NR6A1: variants seen among roughly 807,000 people sequenced by gnomAD.
The protein encoded by NR6A1 is nuclear receptor subfamily 6 group A member 1.
A neutral mutation model predicts 59.1 loss-of-function variants in NR6A1; 7 were observed. The observed-to-expected ratio is 0.12, with a 90% confidence interval of 0.07 to 0.22. NR6A1 has a LOEUF of 0.22. Ranked by LOEUF, NR6A1 falls within the 10% of genes least tolerant of loss-of-function variation. The pLI is 1.00. For synonymous variants in NR6A1, 243 were observed against 236.1 expected (o/e 1.03, Z -0.27); for missense variants, 468 against 611.6 (o/e 0.77, Z 2.48).
At chr9:124,660,648 CAAAAAAAA>C (rs753242760) in intron 2 of NR6A1, among the ~76,000 whole-genome samples, 3 of 92,816 alleles carry the variant, frequency 3.2e-5, no homozygotes, top group African/African-American at 7.9e-5. Context: ...TCTGAGAATA[CAAAAAAAA>C]AAAAAAAAAA....
intron 2 of NR6A1, among the ~76,000 whole-genome samples, chr9:124,720,522 G>C (rs1011424706): frequency 3.3e-5 from 5 of 152,138 alleles, no homozygotes; most frequent in East Asian, 1.9e-4. Flanking sequence ...TTGCAGTTTT[G>C]ATTTTCTTAT....
At chr9:124,605,297 GA>G (rs1442493359) in intron 2 of NR6A1, among the ~76,000 whole-genome samples, 1 of 152,210 alleles carries the variant, frequency 6.6e-6, no homozygotes, top group Non-Finnish European at 1.5e-5. Flanking sequence ...AGATGGAGGA[GA>G]AAATCTACAG....
chr9:124,711,433 T>TA (rs1053792246), intron 2 of NR6A1, among the ~76,000 whole-genome samples: 1,504 of 141,760 alleles, frequency 0.011, 7 homozygotes, highest in Middle Eastern at 0.014. Flanking sequence ...TATTTCCATT[T>TA]AAAAAAAAAA....
At chr9:124,728,151 C>T (rs757854612) in intron 2 of NR6A1, among the ~76,000 whole-genome samples, 6 of 151,708 alleles carry the variant, frequency 4.0e-5, no homozygotes, top group Non-Finnish European at 7.4e-5. Flanking sequence ...CTCAGCCTCC[C>T]GAGTATCTGG....
intron 2 of NR6A1, among the ~76,000 whole-genome samples, chr9:124,611,066 C>T (rs566624389): frequency 1.5e-4 from 22 of 151,712 alleles, no homozygotes; most frequent in African/African-American, 4.1e-4. Flanking sequence ...ACTTACTGTG[C>T]GGAAGGAGGA....
At chr9:124,675,073 C>A (rs1179107794) in intron 2 of NR6A1, among the ~76,000 whole-genome samples, 4 of 152,198 alleles carry the variant, frequency 2.6e-5, no homozygotes, top group Admixed American at 6.5e-5. Context: ...TTATACTAGT[C>A]TTTTCTTCCC....
intron 2 of NR6A1, among the ~76,000 whole-genome samples, chr9:124,617,816 C>T (rs1391720088): frequency 6.6e-6 from 1 of 152,158 alleles, no homozygotes; most frequent in South Asian, 2.1e-4. Context: ...GGCAGACCCT[C>T]GTACCTGCAA....
At position 124,542,977 on chromosome 9, in the gene NR6A1, C is replaced by T. The variant is rs564183468; in HGVS notation, c.441+825G>A. ...CTCTTCTGCTGGCAAGTAAGAACAACGGGTAAGAACAAGTGGTGCAGGCTG... is the reference window on the plus strand; with the variant it reads ...CTCTTCTGCTGGCAAGTAAGAACAATGGGTAAGAACAAGTGGTGCAGGCTG... On this transcript the variant is annotated intron_variant, in intron 4 of 9. Transcript: ENST00000487099. 7.0e-4 allele frequency among the ~76,000 whole-genome samples: 106 copies of T among 152,292 alleles called. 1 individual carries two copies. In the South Asian group the frequency reaches 0.018, roughly 26 times the overall value.
chr9:124,698,220 T>C (rs1462973785), intron 2 of NR6A1: 2 of 152,214 alleles, frequency 1.3e-5, no homozygotes, highest in Admixed American at 1.3e-4. Flanking sequence ...TTAAATCATG[T>C]CTTTCTACTC....
intron 2 of NR6A1, among the ~76,000 whole-genome samples, chr9:124,582,312 C>T (rs1168852824): frequency 3.3e-5 from 5 of 152,006 alleles, no homozygotes; most frequent in East Asian, 3.9e-4. Flanking sequence ...AACTAACATG[C>T]GAACAGAAAA....
At chr9:124,722,264 C>T (rs1016964774) in intron 2 of NR6A1, among the ~76,000 whole-genome samples, 10 of 152,174 alleles carry the variant, frequency 6.6e-5, no homozygotes, top group African/African-American at 1.7e-4. Context: ...ACTGAATATA[C>T]GCAAAGTGCC....
chr9:124,628,715 A>T (rs1836328558), intron 2 of NR6A1, among the ~76,000 whole-genome samples: 1 of 151,552 alleles, frequency 6.6e-6, no homozygotes, highest in South Asian at 2.1e-4. Context: ...ATCTTGGCTC[A>T]CTGCAACCTC....
At chr9:124,543,042 C>T in intron 4 of NR6A1, among the ~76,000 whole-genome samples, 1 of 152,220 alleles carries the variant, frequency 6.6e-6, no homozygotes, top group Non-Finnish European at 1.5e-5. Context: ...TAGTCAAAGA[C>T]TTGAAGGCCA....
In NR6A1 at chr9:124,771,296, G is replaced by GCGCCC; in HGVS notation, c.-182_-178dup. On this transcript the variant is annotated 5_prime_UTR_variant, in exon 1 of 10. Coordinates refer to ENST00000487099, the MANE Select transcript of NR6A1 (RefSeq NM_033334.4). ...GCGCCGCTCCGCGCCCCTCCGCGCC[G>GCGCCC]CGCCCCCTCAGCACTGGCCAGCTCC... The GCGCCC allele has an allele frequency of 2.6e-6, 1 of 390,586 alleles. No individual in the cohort carries two copies. The highest frequency in any genetic ancestry group is 4.5e-6 in the Non-Finnish European group (1 of 221,930). 24.2% of individuals were successfully genotyped at this position (390,586 alleles called of 1,614,324 possible).
At chr9:124,606,446 T>A (rs1047595452) in intron 2 of NR6A1, among the ~76,000 whole-genome samples, 2 of 151,884 alleles carry the variant, frequency 1.3e-5, no homozygotes, top group African/African-American at 4.8e-5. Flanking sequence ...GATATATGTC[T>A]GATGGATTAA....
intron 2 of NR6A1, among the ~76,000 whole-genome samples, chr9:124,563,219 A>T (rs1233060165): frequency 6.6e-6 from 1 of 152,256 alleles, no homozygotes; most frequent in Non-Finnish European, 1.5e-5. Context: ...TGTTTGGAAA[A>T]AAATGAAATG....
intron 2 of NR6A1, among the ~76,000 whole-genome samples, chr9:124,729,246 C>T (rs1699782169): frequency 6.6e-6 from 1 of 152,120 alleles, no homozygotes; most frequent in Non-Finnish European, 1.5e-5. Context: ...GTGTTCACAT[C>T]ATAGTATATA....
At chr9:124,550,711 A>T (rs781345622) in intron 3 of NR6A1, among the ~76,000 whole-genome samples, 47 of 151,498 alleles carry the variant, frequency 3.1e-4, no homozygotes, top group Non-Finnish European at 6.2e-4. Flanking sequence ...ATTTATATTT[A>T]TATTTTTAGA....
At chr9:124,657,621 GA>G (rs1837297836) in intron 2 of NR6A1, among the ~76,000 whole-genome samples, 1 of 152,162 alleles carries the variant, frequency 6.6e-6, no homozygotes, top group Non-Finnish European at 1.5e-5. Context: ...CAGTGGCTCA[GA>G]AAGATGGAAA....
Sources: allele counts gnomAD v4.1 joint callset (sites outside exome capture counted in the v4.1 genomes callset), GRCh38; gene constraint gnomAD v4.1.1; transcripts MANE v1.5; gene names NCBI Gene and HGNC (gene_info 2026-07-23, HGNC 2026-07-21).